MASP1: variants seen among roughly 807,000 people sequenced by gnomAD.
MASP1 encodes the protein mannan-binding lectin serine protease 1.
A neutral mutation model predicts 77.1 loss-of-function variants in MASP1; 59 were observed. That is an observed-to-expected ratio of 0.77 (90% CI 0.62 to 0.95). The LOEUF (loss-of-function observed/expected upper bound fraction) is 0.95. Ranked by LOEUF, MASP1 falls within the 40% of genes least tolerant of loss-of-function variation. MASP1 has a pLI of 0.00. For synonymous variants in MASP1, 362 were observed against 354.5 expected (o/e 1.02, Z -0.24); for missense variants, 885 against 912.9 (o/e 0.97, Z 0.39).
chr3:187,291,485 A>G (rs759966644), intron 1 of MASP1, 143 bp downstream of exon 1: 5 of 1,120,506 alleles, frequency 4.5e-6, no homozygotes, highest in Non-Finnish European at 6.7e-6. Flanking sequence ...CCCTTCTCAG[A>G]GCCCTAAGAA....
At chr3:187,246,966 C>T in intron 8 of MASP1, 1 of 1,146,250 alleles carries the variant, frequency 8.7e-7, no homozygotes. Context: ...TTAGAAACCA[C>T]TTTGATCTGG....
At chr3:187,259,110 C>T (rs1360919270) in intron 4 of MASP1, among the ~76,000 whole-genome samples, 6 of 152,206 alleles carry the variant, frequency 3.9e-5, no homozygotes, top group South Asian at 2.1e-4. Context: ...GGAACCCAGA[C>T]GTGACTTTAG....
At chr3:187,278,026 C>A in intron 2 of MASP1, among the ~76,000 whole-genome samples, 1 of 152,138 alleles carries the variant, frequency 6.6e-6, no homozygotes, top group East Asian at 1.9e-4. Flanking sequence ...TTACTCATAC[C>A]ATTGCCTTCA....
At chr3:187,255,858 C>A (rs1386066007) in intron 5 of MASP1, among the ~76,000 whole-genome samples, 1 of 152,012 alleles carries the variant, frequency 6.6e-6, no homozygotes, top group Non-Finnish European at 1.5e-5. Context: ...GGACATCCCG[C>A]CATTTCCACA....
intron 2 of MASP1, among the ~76,000 whole-genome samples, chr3:187,270,029 T>C (rs1716388472): frequency 6.6e-6 from 1 of 152,240 alleles, no homozygotes; most frequent in African/African-American, 2.4e-5. Flanking sequence ...AGATAGATAA[T>C]AATACATTGT....
At chr3:187,287,339 C>A (rs1417127976) in intron 1 of MASP1, among the ~76,000 whole-genome samples, 1 of 152,178 alleles carries the variant, frequency 6.6e-6, no homozygotes, top group Non-Finnish European at 1.5e-5. Flanking sequence ...CACTCCTCAC[C>A]TACTTATCCT....
intron 5 of MASP1, among the ~76,000 whole-genome samples, chr3:187,254,760 T>C (rs1201757311): frequency 6.6e-6 from 1 of 151,980 alleles, no homozygotes; most frequent in East Asian, 1.9e-4. Context: ...GAGAAGGCAA[T>C]AGGCTCTATT....
At chr3:187,279,570 A>G (rs1364538268) in intron 2 of MASP1, among the ~76,000 whole-genome samples, 10 of 152,224 alleles carry the variant, frequency 6.6e-5, no homozygotes, top group Admixed American at 6.5e-4. Context: ...TGGGGAGCAC[A>G]TGCTTAAACC....
chr3:187,272,866 A>G (rs1181165111), intron 2 of MASP1, among the ~76,000 whole-genome samples: 2 of 152,242 alleles, frequency 1.3e-5, no homozygotes, highest in Non-Finnish European at 2.9e-5. Flanking sequence ...GACATTTATT[A>G]CAGAAGTCCT....
chr3:187,287,319 G>A (rs1407839567), intron 1 of MASP1, among the ~76,000 whole-genome samples: 1 of 152,068 alleles, frequency 6.6e-6, no homozygotes, highest in Non-Finnish European at 1.5e-5. Context: ...CTCATTGCAT[G>A]TGCCCTGCTC....
intron 2 of MASP1, among the ~76,000 whole-genome samples, chr3:187,266,881 GACAGCTACTCTATGGAAGA>G (rs1427794952): frequency 1.3e-5 from 2 of 152,212 alleles, no homozygotes; most frequent in African/African-American, 4.8e-5. Context: ...TCTATGGGAA[GACAGCTACTCTATGGAAGA>G]ACAGCTACTC....
At chr3:187,284,638 G>T (rs1425700524) in intron 2 of MASP1, among the ~76,000 whole-genome samples, 3 of 152,160 alleles carry the variant, frequency 2.0e-5, no homozygotes, top group African/African-American at 7.2e-5. Flanking sequence ...CTGTATCTTA[G>T]GCTCAGTGGA....
chr3:187,233,985 G>T, downstream of MASP1: 1 of 747,772 alleles, frequency 1.3e-6, no homozygotes, highest in Non-Finnish European at 1.8e-6. Flanking sequence ...CTGCAACAAG[G>T]GAGATTTTGG....
chr3:187,229,789 C>A (rs1712656718), downstream of MASP1: 2 of 1,614,036 alleles, frequency 1.2e-6, no homozygotes, highest in East Asian at 2.2e-5. Flanking sequence ...GAAGGGCTGC[C>A]CATTCAGGTG....
intron 6 of MASP1, 54 bp downstream of exon 6, chr3:187,253,114 C>T (rs2108544215): frequency 6.2e-7 from 1 of 1,610,016 alleles, no homozygotes. Flanking sequence ...CAGCCACTGC[C>T]TCTGCAAGGG....
chr3:187,239,345 T>G (rs1186068663), intron 10 of MASP1, among the ~76,000 whole-genome samples: 2 of 152,046 alleles, frequency 1.3e-5, no homozygotes, highest in East Asian at 3.9e-4. Context: ...AGAGCGAAAC[T>G]CTGTCTCAAA....
chr3:187,243,095 C>G (rs1010218698), intron 9 of MASP1: 15 of 310,830 alleles, frequency 4.8e-5, no homozygotes, highest in South Asian at 4.5e-4. Flanking sequence ...TTTTGGAAAC[C>G]CCAACTCAGC....
chr3:187,290,773 TGTG>T (rs1718255673), intron 1 of MASP1, among the ~76,000 whole-genome samples: 2 of 26,880 alleles, frequency 7.4e-5, no homozygotes, highest in Admixed American at 1.1e-3. Context: ...CAGAGCATTG[TGTG>T]TGTGTGTGTG....
chr3:187,281,648 A>C (rs1717422154), intron 2 of MASP1, among the ~76,000 whole-genome samples: 1 of 152,180 alleles, frequency 6.6e-6, no homozygotes, highest in African/African-American at 2.4e-5. Flanking sequence ...AGCTGCTGTA[A>C]ACATACGATT....
Sources: allele counts gnomAD v4.1 joint callset (sites outside exome capture counted in the v4.1 genomes callset), GRCh38; gene constraint gnomAD v4.1.1; transcripts MANE v1.5; gene names NCBI Gene and HGNC (gene_info 2026-07-23, HGNC 2026-07-21).